Variants in PRKG1 observed in about 807,000 individuals in gnomAD.
The protein encoded by PRKG1 is cGMP-dependent protein kinase 1.
PRKG1 carries 35 observed loss-of-function variants against 88.1 expected under a neutral mutation model. That is an observed-to-expected ratio of 0.40 (90% CI 0.30 to 0.53). The LOEUF (loss-of-function observed/expected upper bound fraction) is 0.53. Among genes scored for constraint, PRKG1 ranks in the 20% least tolerant of loss-of-function variants. PRKG1 has a pLI of 0.59. For synonymous variants in PRKG1, 303 were observed against 292.5 expected, an observed-to-expected ratio of 1.04 and a Z score of -0.37; for missense variants, 540 against 839.8, an observed-to-expected ratio of 0.64 and a Z score of 4.41.
chr10:51,941,157 A>G (rs1842898801), intron 5 of PRKG1, among the ~76,000 whole-genome samples: 1 of 151,990 alleles, frequency 6.6e-6, no homozygotes, highest in Admixed American at 6.6e-5. Context: ...CATAGCATAT[A>G]TGTATGGTTT....
intron 3 of PRKG1, among the ~76,000 whole-genome samples, chr10:51,491,141 G>T (rs1353428232): frequency 2.0e-5 from 3 of 152,008 alleles, no homozygotes; most frequent in Non-Finnish European, 4.4e-5. Context: ...TTAAGTCAAG[G>T]ATAAATCTGA....
intron 8 of PRKG1, among the ~76,000 whole-genome samples, chr10:52,156,159 G>A (rs10733898): frequency 0.7 from 106,014 of 151,220 alleles, 38,675 homozygotes; most frequent in South Asian, 0.83. Flanking sequence ...ACTCTGGTGT[G>A]TGTAAGTGTC....
intron 5 of PRKG1, among the ~76,000 whole-genome samples, chr10:51,989,956 C>A (rs1021337930): frequency 6.6e-6 from 1 of 151,964 alleles, no homozygotes; most frequent in African/African-American, 2.4e-5. Flanking sequence ...ACATTTAAAT[C>A]TTTAATCCCT....
intron 5 of PRKG1, among the ~76,000 whole-genome samples, chr10:51,969,612 T>C (rs1453094548): frequency 6.6e-6 from 1 of 152,078 alleles, no homozygotes; most frequent in Non-Finnish European, 1.5e-5. Context: ...CTCAAAGTGT[T>C]ATATTGTATA....
intron 2 of PRKG1, among the ~76,000 whole-genome samples, chr10:51,418,957 TG>T (rs1344357367): frequency 6.6e-6 from 1 of 152,200 alleles, no homozygotes; most frequent in Non-Finnish European, 1.5e-5. Flanking sequence ...TAGATTGTTT[TG>T]GGGGCGAAAG....
rs554814702 is a variant in PRKG1, at chr10:52,215,096, A to C, written c.1077-36474A>C. On this transcript the variant is annotated intron_variant, in intron 9 of 17. Coordinates refer to ENST00000373980, the MANE Select transcript of PRKG1 (RefSeq NM_006258.4). Reference sequence around the variant, plus strand: ...ATTTTGGAGAGATGTATTATTCTAAATACAAAGTCTATTTTGGGCCAGGCA... The same window carrying C: ...ATTTTGGAGAGATGTATTATTCTAACTACAAAGTCTATTTTGGGCCAGGCA... Among the ~76,000 whole-genome samples, 63 of 152,152 alleles carry C rather than the reference A, an allele frequency of 4.1e-4. 1 individual carries two copies. Among genetic ancestry groups the C allele is most frequent in the African/African-American group, 1.5e-3 (62 of 41,536 alleles).
At chr10:51,291,937 G>A (rs1331433924) in intron 2 of PRKG1, among the ~76,000 whole-genome samples, 1 of 152,158 alleles carries the variant, frequency 6.6e-6, no homozygotes, top group Non-Finnish European at 1.5e-5. Context: ...CAGTCTTGGA[G>A]TACTTCTGAG....
chr10:51,510,915 T>A (rs1589031848), intron 3 of PRKG1, among the ~76,000 whole-genome samples: 1 of 151,316 alleles, frequency 6.6e-6, no homozygotes, highest in Non-Finnish European at 1.5e-5. Context: ...GCTTATTTTT[T>A]TTTTTTTTTG....
intron 4 of PRKG1, among the ~76,000 whole-genome samples, chr10:51,835,816 G>T (rs186833356): frequency 6.6e-6 from 1 of 152,244 alleles, no homozygotes; most frequent in Non-Finnish European, 1.5e-5. Context: ...CCTCCATACT[G>T]TTTTCTATGA....
intron 2 of PRKG1, among the ~76,000 whole-genome samples, chr10:51,366,004 T>C (rs74131621): frequency 7.9e-5 from 12 of 152,116 alleles, no homozygotes; most frequent in African/African-American, 2.4e-4. Context: ...TCAAGTTCTA[T>C]ATCTTGGCAG....
chr10:52,177,800 C>A lies in PRKG1; in HGVS notation c.1076+15837C>A, dbSNP rs563272970. ...CTGGTGTATAGTTGCTTATAAAAAA[C>A]CCCCTTATGATCCTTTGTATTTCTG... On this transcript the variant is annotated intron_variant, in intron 9 of 17. Coordinates refer to ENST00000373980, the MANE Select transcript of PRKG1 (RefSeq NM_006258.4). 5.9e-4 allele frequency among the ~76,000 whole-genome samples: 90 copies of A among 151,960 alleles called. 1 individual carries two copies. In the South Asian group the frequency reaches 0.016, roughly 28 times the overall value.
At chr10:51,820,012 A>T (rs1288109397) in intron 4 of PRKG1, among the ~76,000 whole-genome samples, 2 of 152,186 alleles carry the variant, frequency 1.3e-5, no homozygotes, top group Non-Finnish European at 2.9e-5. Context: ...GATTTTAAAA[A>T]TTATTCAATG....
intron 3 of PRKG1, among the ~76,000 whole-genome samples, chr10:51,495,522 G>A (rs982717050): frequency 1.2e-4 from 19 of 152,162 alleles, no homozygotes; most frequent in African/African-American, 4.1e-4. Flanking sequence ...GAACTTCAAG[G>A]AAAGACGCTA....
At chr10:51,817,189 A>C (rs113652025) in intron 4 of PRKG1, among the ~76,000 whole-genome samples, 1 of 152,004 alleles carries the variant, frequency 6.6e-6, no homozygotes, top group Non-Finnish European at 1.5e-5. Context: ...CAGATTTTGT[A>C]CTTATTTTTA....
At chr10:51,197,347 A>G (rs898731098) in intron 2 of PRKG1, among the ~76,000 whole-genome samples, 10 of 152,076 alleles carry the variant, frequency 6.6e-5, no homozygotes, top group Non-Finnish European at 1.5e-5. Context: ...ATCTCGGCTC[A>G]CCGCAACCTC....
At chr10:51,059,381 TATTTATTC>T (rs952783395) in intron 1 of PRKG1, among the ~76,000 whole-genome samples, 22 of 152,250 alleles carry the variant, frequency 1.4e-4, no homozygotes, top group African/African-American at 3.6e-4. Context: ...TTAAATTATT[TATTTATTC>T]ATTTATTCAT....
At chr10:51,807,989 A>G (rs1038995584) in intron 4 of PRKG1, among the ~76,000 whole-genome samples, 6 of 151,470 alleles carry the variant, frequency 4.0e-5, no homozygotes, top group Admixed American at 2.6e-4. Context: ...AGAAGAGTGA[A>G]TAATATTAAT....
At chr10:51,817,574 C>A (rs1839626421) in intron 4 of PRKG1, among the ~76,000 whole-genome samples, 1 of 152,168 alleles carries the variant, frequency 6.6e-6, no homozygotes, top group African/African-American at 2.4e-5. Context: ...GTGTATATGC[C>A]ACATTTTCTT....
At chr10:51,288,202 T>G (rs1270468801) in intron 2 of PRKG1, among the ~76,000 whole-genome samples, 1 of 152,138 alleles carries the variant, frequency 6.6e-6, no homozygotes, top group Admixed American at 6.6e-5. Context: ...GCAGGTTAGT[T>G]ACATATGTAT....
Sources: allele counts gnomAD v4.1 joint callset (sites outside exome capture counted in the v4.1 genomes callset), GRCh38; gene constraint gnomAD v4.1.1; transcripts MANE v1.5; gene names NCBI Gene and HGNC (gene_info 2026-07-23, HGNC 2026-07-21).